Variants in ANGPT1 observed in about 807,000 individuals in gnomAD.
ANGPT1 encodes angiopoietin 1, also known as angiopoietin-1.
Under a neutral mutation model 62.2 loss-of-function variants are expected in ANGPT1, and 17 were observed. That is an observed-to-expected ratio of 0.27 (90% CI 0.19 to 0.41). The LOEUF (loss-of-function observed/expected upper bound fraction) is 0.41, where lower values mean the gene tolerates loss of function less well. Ranked by LOEUF, ANGPT1 falls within the 10% of genes least tolerant of loss-of-function variation. The pLI is 1.00. For synonymous variants in ANGPT1, 199 were observed against 198.9 expected, an observed-to-expected ratio of 1.00 and a Z score of 0.00; for missense variants, 478 against 594.9, an observed-to-expected ratio of 0.80 and a Z score of 2.04.
chr8:107,369,726 G>T (rs1308237904), intron 1 of ANGPT1, among the ~76,000 whole-genome samples: 1 of 151,436 alleles, frequency 6.6e-6, no homozygotes, highest in Admixed American at 6.6e-5. Context: ...GAGGGAGAGA[G>T]ATGAGGAAAT....
At chr8:107,491,168 G>T (rs1148131) in intron 1 of ANGPT1, among the ~76,000 whole-genome samples, 145,246 of 152,064 alleles carry the variant, frequency 0.96, 69,401 homozygotes, top group East Asian at 1. Flanking sequence ...AAAAGAAGAA[G>T]AAATAAAAAC....
intron 1 of ANGPT1, among the ~76,000 whole-genome samples, chr8:107,437,487 A>ATGGT (rs1279375641): frequency 4.6e-5 from 7 of 152,208 alleles, no homozygotes; most frequent in African/African-American, 1.7e-4. Flanking sequence ...TTGAATAGCT[A>ATGGT]TGGTTTCAAG....
At chr8:107,447,412 G>T (rs758641469) in intron 1 of ANGPT1, among the ~76,000 whole-genome samples, 44 of 152,242 alleles carry the variant, frequency 2.9e-4, no homozygotes, top group Non-Finnish European at 4.7e-4. Context: ...TCTTAAAAAA[G>T]CAAACAGACT....
At chr8:107,429,034 G>A (rs1811110514) in intron 1 of ANGPT1, among the ~76,000 whole-genome samples, 1 of 152,154 alleles carries the variant, frequency 6.6e-6, no homozygotes, top group African/African-American at 2.4e-5. Flanking sequence ...ATGTTACATG[G>A]TCTGAGAGTG....
intron 4 of ANGPT1, 58 bp downstream of exon 4, chr8:107,321,838 T>C: frequency 1.2e-5 from 18 of 1,484,594 alleles, no homozygotes; most frequent in Non-Finnish European, 1.7e-5. Context: ...TATTGAGTAT[T>C]TACTTGATCA....
At chr8:107,356,239 A>C (rs2130188790) in intron 1 of ANGPT1, among the ~76,000 whole-genome samples, 1 of 152,336 alleles carries the variant, frequency 6.6e-6, no homozygotes, top group African/African-American at 2.4e-5. Flanking sequence ...AAACATCTCG[A>C]CTATGAGTCA....
At chr8:107,416,414 G>T (rs1214895065) in intron 1 of ANGPT1, among the ~76,000 whole-genome samples, 1 of 152,192 alleles carries the variant, frequency 6.6e-6, no homozygotes, top group Non-Finnish European at 1.5e-5. Context: ...ATAGAATGAG[G>T]TCTGGAAGGG....
At chr8:107,253,599 C>G (rs757031898) in intron 8 of ANGPT1, among the ~76,000 whole-genome samples, 1 of 152,186 alleles carries the variant, frequency 6.6e-6, no homozygotes, top group Non-Finnish European at 1.5e-5. Flanking sequence ...AGCAAACACA[C>G]TTACTCTATT....
intron 1 of ANGPT1, among the ~76,000 whole-genome samples, chr8:107,423,742 T>C (rs1189700890): frequency 2.6e-5 from 4 of 152,016 alleles, no homozygotes; most frequent in African/African-American, 9.7e-5. Context: ...TCTGTAATCA[T>C]TCTTTCACTG....
At chr8:107,353,382 A>G (rs896398427) in intron 1 of ANGPT1, among the ~76,000 whole-genome samples, 16 of 152,196 alleles carry the variant, frequency 1.1e-4, no homozygotes, top group African/African-American at 3.9e-4. Flanking sequence ...GGCTGAGCCA[A>G]CAACAATGGC....
At position 107,478,573 on chromosome 8, in the gene ANGPT1, G is replaced by A. The variant is rs144507761; in HGVS notation, c.297+18689C>T. ...CAAAATAAATAAATAAATAAAGATT[G>A]CTTTGATTATAAAAGTGTCAATGCT... On this transcript the variant is annotated intron_variant, in intron 1 of 8. Coordinates refer to ENST00000517746, the MANE Select transcript of ANGPT1 (RefSeq NM_001146.5). 6.0e-4 allele frequency among the ~76,000 whole-genome samples: 91 copies of A among 152,030 alleles called. 1 individual carries two copies. Among genetic ancestry groups the A allele is most frequent in the African/African-American group, 2.0e-3 (84 of 41,494 alleles).
intron 7 of ANGPT1, among the ~76,000 whole-genome samples, chr8:107,279,340 G>A (rs898566126): frequency 4.6e-5 from 7 of 152,270 alleles, no homozygotes; most frequent in Middle Eastern, 3.4e-3. Context: ...AGAAAATTGA[G>A]AACTGGAAAG....
At chr8:107,470,860 C>T (rs1812338920) in intron 1 of ANGPT1, among the ~76,000 whole-genome samples, 1 of 152,088 alleles carries the variant, frequency 6.6e-6, no homozygotes, top group South Asian at 2.1e-4. Context: ...CCATCTCGTA[C>T]CAGTTAGAAT....
At chr8:107,275,462 A>G (rs1813842190) in intron 7 of ANGPT1, among the ~76,000 whole-genome samples, 1 of 152,132 alleles carries the variant, frequency 6.6e-6, no homozygotes, top group Admixed American at 6.6e-5. Flanking sequence ...ATGTCACTTT[A>G]GGCCACTATT....
At chr8:107,391,591 C>T (rs982116118) in intron 1 of ANGPT1, among the ~76,000 whole-genome samples, 8 of 152,044 alleles carry the variant, frequency 5.3e-5, no homozygotes, top group Admixed American at 1.3e-4. Context: ...CGCTTGAACC[C>T]GAGAGGCTGA....
chr8:107,419,949 C>T (rs370258009), intron 1 of ANGPT1, among the ~76,000 whole-genome samples: 2 of 152,088 alleles, frequency 1.3e-5, no homozygotes, highest in African/African-American at 2.4e-5. Flanking sequence ...ATTTAATCTC[C>T]GCAAACATCT....
At chr8:107,465,508 A>C (rs2130485793) in intron 1 of ANGPT1, among the ~76,000 whole-genome samples, 1 of 152,298 alleles carries the variant, frequency 6.6e-6, no homozygotes, top group South Asian at 2.1e-4. Flanking sequence ...ATTTCACAAT[A>C]AAACATTTTT....
At chr8:107,311,474 A>C (rs944152794) in intron 4 of ANGPT1, among the ~76,000 whole-genome samples, 2 of 152,206 alleles carry the variant, frequency 1.3e-5, no homozygotes, top group African/African-American at 4.8e-5. Context: ...TATCTGAAGA[A>C]TATATTGCCC....
intron 1 of ANGPT1, among the ~76,000 whole-genome samples, chr8:107,364,582 G>A (rs995908277): frequency 3.7e-4 from 56 of 152,118 alleles, no homozygotes; most frequent in Non-Finnish European, 6.0e-4. Context: ...TGCCCAGCCC[G>A]ATGGTTAATA....
Sources: gnomAD v4.1 joint callset for allele counts (sites outside exome capture counted in the v4.1 genomes callset) on GRCh38, gnomAD v4.1.1 for gene constraint, MANE v1.5 for transcripts, NCBI Gene and HGNC (gene_info 2026-07-23, HGNC 2026-07-21) for gene names.